The following ARHGAP6 variants were observed in gnomAD, a reference collection of about 807,000 sequenced individuals.
The protein encoded by ARHGAP6 is rho GTPase-activating protein 6.
A neutral mutation model predicts 55.7 loss-of-function variants in ARHGAP6; 16 were observed. That is an observed-to-expected ratio of 0.29 (90% CI 0.19 to 0.44). ARHGAP6 has a LOEUF of 0.44. Among genes scored for constraint, ARHGAP6 ranks in the 20% least tolerant of loss-of-function variants. The probability of loss-of-function intolerance (pLI) is 1.00; values close to 1 mark genes in which losing one functional copy is unlikely to be tolerated. For synonymous variants in ARHGAP6, 382 were observed against 360.9 expected (o/e 1.06, Z -0.66); for missense variants, 698 against 808.9 (o/e 0.86, Z 1.66).
chrX:11,553,391 G>A (rs2051290323), intron 1 of ARHGAP6, among the ~76,000 whole-genome samples: 2 of 110,785 alleles, frequency 1.8e-5, no homozygotes, highest in African/African-American at 3.3e-5. Context: ...ACAGGCGTGC[G>A]CCACCATGCC....
intron 8 of ARHGAP6, among the ~76,000 whole-genome samples, chrX:11,174,846 C>A (rs991688172): frequency 9.6e-6 from 1 of 104,357 alleles, no homozygotes; most frequent in African/African-American, 3.6e-5. Flanking sequence ...CACCACCACG[C>A]CCGGCTAATT....
intron 2 of ARHGAP6, among the ~76,000 whole-genome samples, chrX:11,207,817 A>G (rs2046728670): frequency 8.9e-6 from 1 of 111,843 alleles, no homozygotes; most frequent in Non-Finnish European, 1.9e-5. Context: ...ACAGTTTTAA[A>G]ATATTCCTAT....
intron 1 of ARHGAP6, among the ~76,000 whole-genome samples, chrX:11,645,381 C>T (rs759394585): frequency 4.2e-4 from 47 of 111,361 alleles, no homozygotes; most frequent in African/African-American, 1.4e-3. Context: ...ATCTCATCCA[C>T]AGTAGCTTCT....
At chrX:11,176,908 G>A (rs1289942836) in intron 8 of ARHGAP6, among the ~76,000 whole-genome samples, 4 of 112,052 alleles carry the variant, frequency 3.6e-5, no homozygotes, top group East Asian at 2.8e-4. Flanking sequence ...TCTCACACCC[G>A]TAAGGAGGAG....
intron 1 of ARHGAP6, among the ~76,000 whole-genome samples, chrX:11,342,396 C>T (rs1309304452): frequency 8.9e-6 from 1 of 111,983 alleles, no homozygotes; most frequent in East Asian, 2.7e-4. Flanking sequence ...TAAAAATTTG[C>T]ACATTGGACG....
At chrX:11,620,688 G>A (rs772095087) in intron 1 of ARHGAP6, among the ~76,000 whole-genome samples, 1 of 112,348 alleles carries the variant, frequency 8.9e-6, no homozygotes, top group African/African-American at 3.2e-5. Context: ...TTTTACCACC[G>A]GTTATCAAGG....
At chrX:11,351,633 G>C in intron 1 of ARHGAP6, 2 of 735,290 alleles carry the variant, frequency 2.7e-6, no homozygotes, top group Non-Finnish European at 3.2e-6. Flanking sequence ...GTTACAAAGA[G>C]TGCCTTGGTT....
At chrX:11,258,479 T>G (rs757072842) in intron 1 of ARHGAP6, among the ~76,000 whole-genome samples, 8 of 110,680 alleles carry the variant, frequency 7.2e-5, no homozygotes, top group Non-Finnish European at 1.5e-4. Context: ...AAATGGTATT[T>G]TCTTTTGAAA....
At chrX:11,352,914 A>G in intron 1 of ARHGAP6, among the ~76,000 whole-genome samples, 1 of 111,964 alleles carries the variant, frequency 8.9e-6, no homozygotes, top group Non-Finnish European at 1.9e-5. Context: ...TATATACTAC[A>G]TATATATGCA....
At chrX:11,539,841 T>G (rs182514455) in intron 1 of ARHGAP6, among the ~76,000 whole-genome samples, 1 of 112,020 alleles carries the variant, frequency 8.9e-6, no homozygotes, top group Non-Finnish European at 1.9e-5. Context: ...ACAGCTCTTT[T>G]GAACCTATTT....
intron 2 of ARHGAP6, among the ~76,000 whole-genome samples, chrX:11,212,771 C>A (rs1208160694): frequency 9.0e-6 from 1 of 111,650 alleles, no homozygotes; most frequent in African/African-American, 3.3e-5. Context: ...TAAATTCAGC[C>A]ACAAAATTAC....
At chrX:11,405,062 G>A (rs1603182866) in intron 1 of ARHGAP6, among the ~76,000 whole-genome samples, 1 of 112,074 alleles carries the variant, frequency 8.9e-6, no homozygotes, top group African/African-American at 3.2e-5. Flanking sequence ...ATGGCACCCA[G>A]CGTCCTGGTA....
At chrX:11,146,489 C>A (rs761320043) in intron 10 of ARHGAP6, among the ~76,000 whole-genome samples, 2 of 112,380 alleles carry the variant, frequency 1.8e-5, no homozygotes, top group Non-Finnish European at 3.8e-5. Context: ...TTCACAGTTT[C>A]CCCACCCCCC....
intron 3 of ARHGAP6, among the ~76,000 whole-genome samples, chrX:11,196,607 G>C (rs775589936): frequency 9.0e-6 from 1 of 111,467 alleles, no homozygotes; most frequent in Admixed American, 9.5e-5. Flanking sequence ...CAGACAGCTG[G>C]TTAGCATTAG....
intron 1 of ARHGAP6, among the ~76,000 whole-genome samples, chrX:11,629,743 G>A (rs1816469060): frequency 9.0e-6 from 1 of 110,928 alleles, no homozygotes; most frequent in African/African-American, 3.3e-5. Context: ...CTGGGCTGAG[G>A]CTCGCATTCA....
intron 1 of ARHGAP6, among the ~76,000 whole-genome samples, chrX:11,527,011 AGTGTGTGTGTGTGT>A (rs59668043): frequency 2.0e-3 from 159 of 81,060 alleles, no homozygotes; most frequent in African/African-American, 5.4e-3. Flanking sequence ...TAATATGAGG[AGTGTGTGTGTGTGT>A]GTGTGTGTGT....
At chrX:11,576,066 C>G (rs147209081) in intron 1 of ARHGAP6, among the ~76,000 whole-genome samples, 52 of 111,720 alleles carry the variant, frequency 4.7e-4, no homozygotes, top group African/African-American at 1.6e-3. Context: ...CAGTGAATTT[C>G]CTTGGGAACA....
intron 2 of ARHGAP6, among the ~76,000 whole-genome samples, chrX:11,232,503 G>C (rs559673829): frequency 1.4e-4 from 15 of 110,859 alleles, no homozygotes; most frequent in African/African-American, 4.9e-4. Flanking sequence ...TTGGTGGCGT[G>C]TGCCTGTAGT....
At chrX:11,480,101 A>G (rs919187823) in intron 1 of ARHGAP6, among the ~76,000 whole-genome samples, 3 of 111,736 alleles carry the variant, frequency 2.7e-5, no homozygotes, top group African/African-American at 9.8e-5. Flanking sequence ...TTCTTTCTCT[A>G]GTTTGTTTCC....
Sources: allele counts gnomAD v4.1 joint callset (sites outside exome capture counted in the v4.1 genomes callset), GRCh38; gene constraint gnomAD v4.1.1; transcripts MANE v1.5; gene names NCBI Gene and HGNC (gene_info 2026-07-23, HGNC 2026-07-21).